SMYD2: variants seen among roughly 807,000 people sequenced by gnomAD.
SMYD2 encodes the protein SET and MYND domain containing 2.
In SMYD2, 53 loss-of-function variants were observed where a neutral mutation model predicts 59.1. The ratio of observed to expected loss-of-function variants is 0.90; its 90% CI spans 0.72 to 1.13. The LOEUF is 1.13. Ranked by LOEUF, SMYD2 falls within the 50% of genes most tolerant of loss-of-function variation. The pLI, the probability that SMYD2 is intolerant of heterozygous loss-of-function variation, is 0.00. For missense variants in SMYD2, 494 were observed against 544.7 expected (o/e 0.91, Z 0.93); for synonymous variants, 208 against 198.8 (o/e 1.05, Z -0.39).
At chr1:214,285,382 G>A (rs1656519965) in intron 1 of SMYD2, among the ~76,000 whole-genome samples, 1 of 152,290 alleles carries the variant, frequency 6.6e-6, no homozygotes, top group South Asian at 2.1e-4. Context: ...GCATGAGAAG[G>A]GGACCTTGTG....
rs1046938463 is a variant in SMYD2, at chr1:214,281,231, C to T, written c.-24C>T. ...CCGGGAGCCGCAGCTCGGGCACAGC[C>T]GGCGGCCGCGCCCCGCCGCCACCAT... On this transcript the variant is annotated 5_prime_UTR_variant, in exon 1 of 12. Coordinates refer to ENST00000366957, the MANE Select transcript of SMYD2 (RefSeq NM_020197.3). 1.2e-5 allele frequency: 15 copies of T among 1,228,626 alleles called. No individual in the cohort carries two copies. The Admixed American group carries it at 6.0e-4, about 50-fold the overall frequency. The allele number at this position is 1,228,626 out of a possible 1,614,324, so 76.1% of individuals were successfully genotyped here.
intron 11 of SMYD2, among the ~76,000 whole-genome samples, chr1:214,336,261 G>T (rs564120543): frequency 6.6e-6 from 1 of 152,032 alleles, no homozygotes; most frequent in Non-Finnish European, 1.5e-5. Context: ...GGCCAGGCAC[G>T]GTGGCTCATG....
chr1:214,293,728 G>A (rs1656675840), intron 1 of SMYD2, among the ~76,000 whole-genome samples: 1 of 152,166 alleles, frequency 6.6e-6, no homozygotes, highest in African/African-American at 2.4e-5. Context: ...CCAGGCTGGA[G>A]TGCAATGGCG....
rs1657287957 is a variant in SMYD2, at chr1:214,327,850, A to T, written c.705+126A>T. 3 of 724,034 alleles carry T rather than the reference A, an allele frequency of 4.1e-6. No homozygotes were observed. In the Admixed American group the frequency reaches 7.1e-5, roughly 17 times the overall value. 44.9% of individuals were successfully genotyped at this position (724,034 alleles called of 1,614,324 possible). On this transcript the variant is annotated intron_variant, in intron 7 of 11. Coordinates refer to ENST00000366957, the MANE Select transcript of SMYD2 (RefSeq NM_020197.3). ...GTGAATGCCTCCAGCAGTTTAGCTG[A>T]GTCTGCCCTCAGGCTCTCCAGGAGT...
At chr1:214,316,505 AAAC>A (rs1657087817) in intron 3 of SMYD2, among the ~76,000 whole-genome samples, 1 of 152,040 alleles carries the variant, frequency 6.6e-6, no homozygotes, top group Admixed American at 6.6e-5. Flanking sequence ...TGAAAAAAAA[AAAC>A]AAACTGAAAT....
chr1:214,291,589 G>C (rs960998049), intron 1 of SMYD2, among the ~76,000 whole-genome samples: 12 of 152,242 alleles, frequency 7.9e-5, no homozygotes, highest in African/African-American at 2.9e-4. Context: ...CATTTTGAAG[G>C]CTCTTGTTTT....
chr1:214,310,336 TCTCA>T, intron 2 of SMYD2, among the ~76,000 whole-genome samples: 1 of 152,310 alleles, frequency 6.6e-6, no homozygotes, highest in East Asian at 1.9e-4. Context: ...AAATTCCATA[TCTCA>T]CCTTTTTTAT....
At chr1:214,313,792 A>G (rs1657037209) in intron 2 of SMYD2, among the ~76,000 whole-genome samples, 2 of 152,008 alleles carry the variant, frequency 1.3e-5, no homozygotes, top group African/African-American at 4.8e-5. Context: ...TGCCTTCCCC[A>G]TCTCAAGTGA....
rs1657327255 is a variant in SMYD2 at position 214,330,151 on chromosome 1, C to G, written c.706-17C>G. ...TACCTGTAGCAGACTGAAGCTTTATCTTTTTGGACCCCGTAGGTTTTTACC... is the reference window on the plus strand; with the variant it reads ...TACCTGTAGCAGACTGAAGCTTTATGTTTTTGGACCCCGTAGGTTTTTACC... On this transcript the variant is annotated splice_polypyrimidine_tract_variant and intron_variant, in intron 7 of 11. Coordinates refer to ENST00000366957, the MANE Select transcript of SMYD2 (RefSeq NM_020197.3). 6.4e-7 allele frequency: 1 copy of G among 1,556,138 alleles called. No homozygotes were observed.
chr1:214,307,417 G>T (rs1015800583), intron 2 of SMYD2, among the ~76,000 whole-genome samples: 1 of 152,188 alleles, frequency 6.6e-6, no homozygotes, highest in Admixed American at 6.5e-5. Context: ...TTTATGCAAA[G>T]AAATAAACAG....
chr1:214,314,614 C>A (rs999159010), intron 2 of SMYD2, 148 bp from the exon 3 acceptor site: 70 of 625,850 alleles, frequency 1.1e-4, no homozygotes, highest in Non-Finnish European at 1.9e-4. Context: ...ATGTTTTTAT[C>A]TCTAGCTTTT....
chr1:214,317,741 A>C (rs1657108483), intron 3 of SMYD2, among the ~76,000 whole-genome samples: 2 of 152,222 alleles, frequency 1.3e-5, no homozygotes, highest in Admixed American at 1.3e-4. Context: ...GAGAAATAAT[A>C]AATAGGATGG....
At chr1:214,302,917 C>A (rs116104104) in intron 1 of SMYD2, among the ~76,000 whole-genome samples, 2 of 152,144 alleles carry the variant, frequency 1.3e-5, no homozygotes, top group Admixed American at 1.3e-4. Flanking sequence ...TAATCTCTTA[C>A]ATCAGGGGGT....
intron 1 of SMYD2, among the ~76,000 whole-genome samples, chr1:214,293,733 A>G (rs545389751): frequency 2.6e-5 from 4 of 152,126 alleles, no homozygotes; most frequent in African/African-American, 7.2e-5. Flanking sequence ...CTGGAGTGCA[A>G]TGGCGCGATC....
In SMYD2 at chr1:214,334,296, A is replaced by C. The variant is rs2102481251; in HGVS notation, c.1209A>C (p.Lys403Asn). Residue 403 changes from lysine to asparagine, a missense_variant, in exon 11 of 12, where the codon AAA becomes AAC. Lys to Asn is a moderately conservative substitution (Grantham distance 94, BLOSUM62 0). Transcript: ENST00000366957. ...MGLEHKAAGE[K>N]ALKKAIAIME... ...TGGAACACAAAGCCGCAGGGGAGAAAGCCCTGAAGAAGGTATGTCTGTAAC... is the reference window on the plus strand; with the variant it reads ...TGGAACACAAAGCCGCAGGGGAGAACGCCCTGAAGAAGGTATGTCTGTAAC... The C allele has an allele frequency of 6.2e-7, 1 of 1,613,518 alleles. No individual in the cohort carries two copies. The highest frequency in any genetic ancestry group is 2.2e-5 in the East Asian group (1 of 44,882).
chr1:214,295,068 C>T (rs1437588379), intron 1 of SMYD2, among the ~76,000 whole-genome samples: 2 of 152,116 alleles, frequency 1.3e-5, no homozygotes, highest in South Asian at 2.1e-4. Flanking sequence ...TTGTCAGTTC[C>T]TTTATGAGAG....
intron 1 of SMYD2, among the ~76,000 whole-genome samples, chr1:214,291,541 T>C (rs1156482510): frequency 6.6e-6 from 1 of 152,226 alleles, no homozygotes; most frequent in Non-Finnish European, 1.5e-5. Flanking sequence ...AGCATAAAAC[T>C]AGGCAGTTTT....
At chr1:214,331,954 A>AT in intron 9 of SMYD2, 64 bp from the exon 10 acceptor site, 1 of 1,523,866 alleles carries the variant, frequency 6.6e-7, no homozygotes, top group Non-Finnish European at 8.8e-7. Flanking sequence ...AACTCCTTGA[A>AT]CCCAGCCTGG....
At chr1:214,309,581 G>A (rs1410472282) in intron 2 of SMYD2, among the ~76,000 whole-genome samples, 1 of 152,210 alleles carries the variant, frequency 6.6e-6, no homozygotes, top group African/African-American at 2.4e-5. Flanking sequence ...TGAGGAGCAT[G>A]TGAGAAAATA....
Sources: gnomAD v4.1 joint callset for allele counts (sites outside exome capture counted in the v4.1 genomes callset) on GRCh38, gnomAD v4.1.1 for gene constraint, MANE v1.5 for transcripts, NCBI Gene and HGNC (gene_info 2026-07-23, HGNC 2026-07-21) for gene names.